Variants in TTC3 observed in about 807,000 individuals in gnomAD.
TTC3 encodes the protein tetratricopeptide repeat domain 3.
In TTC3, 180 loss-of-function variants were observed where a neutral mutation model predicts 249.6. That is an observed-to-expected ratio of 0.72 (90% CI 0.64 to 0.82). The LOEUF (loss-of-function observed/expected upper bound fraction) is 0.82, where lower values mean the gene tolerates loss of function less well. Among genes scored for constraint, TTC3 ranks in the 40% least tolerant of loss-of-function variants. The pLI is 0.00. For synonymous variants in TTC3, 717 were observed against 805.0 expected, an observed-to-expected ratio of 0.89 and a Z score of 1.85; for missense variants, 2,061 against 2,398.4, an observed-to-expected ratio of 0.86 and a Z score of 2.94.
intron 16 of TTC3, among the ~76,000 whole-genome samples, chr21:37,132,463 C>T (rs984147445): frequency 2.6e-5 from 4 of 151,852 alleles, no homozygotes; most frequent in Admixed American, 1.3e-4. Flanking sequence ...CAGGCATGCA[C>T]CACCACGCCA....
intron 35 of TTC3, among the ~76,000 whole-genome samples, chr21:37,172,976 G>A (rs138663135): frequency 1.5e-4 from 23 of 152,244 alleles, no homozygotes; most frequent in Non-Finnish European, 3.1e-4. Flanking sequence ...CTGGGTTTTC[G>A]TTTAGCTATA....
rs1235465861 is a variant in TTC3 at position 37,192,490 on chromosome 21, T to TG, written c.5217+277_5217+278insG. ...CATGTTCCTTGGCCTGTCTTCTATC[T>TG]TTGTGTGTGTGTGTGTGTGTGTGTG... On this transcript the variant is annotated intron_variant, in intron 41 of 45. Coordinates refer to ENST00000355666, the Ensembl canonical transcript of TTC3. 1.0e-4 allele frequency among the ~76,000 whole-genome samples: 14 copies of TG among 139,116 alleles called. No homozygotes were observed. The East Asian group carries it at 2.1e-3, about 20-fold the overall frequency. The allele number at this position is 139,116 out of a possible 152,430, so 91.3% of individuals were successfully genotyped here.
intron 45 of TTC3, 76 bp downstream of exon 45, chr21:37,200,400 T>C: frequency 6.8e-7 from 1 of 1,460,676 alleles, no homozygotes; most frequent in South Asian, 1.2e-5. Context: ...AAGGAATTGT[T>C]TTCTAGTCAT....
intron 11 of TTC3, among the ~76,000 whole-genome samples, chr21:37,112,634 C>G (rs2075776178): frequency 6.6e-6 from 1 of 152,242 alleles, no homozygotes; most frequent in African/African-American, 2.4e-5. Flanking sequence ...TGGTACCATT[C>G]CTTCTGAAAC....
intron 10 of TTC3, among the ~76,000 whole-genome samples, chr21:37,107,126 A>T (rs188956995): frequency 6.8e-6 from 1 of 146,182 alleles, no homozygotes; most frequent in East Asian, 2.0e-4. Flanking sequence ...GATATCTGGT[A>T]GTATAAGTTA....
chr21:37,097,408 G>T (rs2074046711), intron 10 of TTC3, among the ~76,000 whole-genome samples: 1 of 152,114 alleles, frequency 6.6e-6, no homozygotes, highest in South Asian at 2.1e-4. Flanking sequence ...CCACACAGTA[G>T]AAGAATATTC....
At chr21:37,104,588 CAAAAAAAA>C (rs141618903) in intron 10 of TTC3, among the ~76,000 whole-genome samples, 1 of 104,332 alleles carries the variant, frequency 9.6e-6, no homozygotes, top group African/African-American at 3.7e-5. Context: ...AACTCCGTCT[CAAAAAAAA>C]AAAAAAAAAA....
intron 1 of TTC3, chr21:37,082,725 T>A (rs549416710): frequency 6.0e-5 from 59 of 985,120 alleles, no homozygotes; most frequent in South Asian, 1.4e-4. Context: ...TTTTTTTTTT[T>A]AATCTAGGAT....
At chr21:37,164,186 C>T in exon 32 of TTC3, 4 of 1,608,928 alleles carry the variant, frequency 2.5e-6, no homozygotes, top group Non-Finnish European at 3.4e-6. Flanking sequence ...GGGACATGAA[C>T]CCAAAACAAA....
At chr21:37,178,925 C>T (rs1005890932) in intron 35 of TTC3, among the ~76,000 whole-genome samples, 2 of 151,742 alleles carry the variant, frequency 1.3e-5, no homozygotes, top group Non-Finnish European at 2.9e-5. Context: ...CATGCCATTG[C>T]ACCCCAGCCT....
At chr21:37,167,738 T>G (rs2081376915) in intron 34 of TTC3, 118 bp downstream of exon 34, 1 of 680,148 alleles carries the variant, frequency 1.5e-6, no homozygotes, top group South Asian at 2.6e-5. Context: ...TATCATGGAA[T>G]AAGCTTGAGA....
At chr21:37,087,683 G>A in intron 2 of TTC3, 150 bp from the exon 3 acceptor site, 1 of 747,724 alleles carries the variant, frequency 1.3e-6, no homozygotes, top group South Asian at 1.8e-5. Context: ...TGTAAAACGG[G>A]TCTCAAATTA....
intron 23 of TTC3, among the ~76,000 whole-genome samples, chr21:37,148,992 C>T (rs889429384): frequency 2.0e-5 from 3 of 152,030 alleles, no homozygotes; most frequent in African/African-American, 7.2e-5. Context: ...CCAGGCCCCA[C>T]TTGAAAGTTT....
At chr21:37,168,965 GT>G (rs1348782152) in intron 34 of TTC3, among the ~76,000 whole-genome samples, 3 of 152,206 alleles carry the variant, frequency 2.0e-5, no homozygotes, top group Non-Finnish European at 4.4e-5. Flanking sequence ...GGAAGCTTCA[GT>G]TCCTTGCCTT....
intron 10 of TTC3, chr21:37,098,078 A>T (rs1032004339): frequency 1.7e-6 from 1 of 591,168 alleles, no homozygotes; most frequent in Admixed American, 3.1e-5. Context: ...AGACTAGAGG[A>T]ATGGATGGGC....
intron 28 of TTC3, chr21:37,159,377 G>A (rs139481485): frequency 4.7e-4 from 112 of 238,748 alleles, no homozygotes; most frequent in African/African-American, 2.3e-3. Flanking sequence ...TTGTCTGTTT[G>A]TCTTTCTGGC....
At chr21:37,160,671 T>G in intron 29 of TTC3, 131 bp from the exon 30 acceptor site, 5 of 879,168 alleles carry the variant, frequency 5.7e-6, no homozygotes, top group Non-Finnish European at 8.9e-6. Flanking sequence ...TACACTGTAG[T>G]GTTATTTTTG....
intron 35 of TTC3, among the ~76,000 whole-genome samples, chr21:37,175,597 CA>C (rs1175943574): frequency 0.099 from 4,237 of 42,862 alleles, 49 homozygotes; most frequent in African/African-American, 0.15. Context: ...GACTCCATCT[CA>C]AAAAAAAAAA....
chr21:37,073,979 C>T (rs1192796849), intron 1 of TTC3, among the ~76,000 whole-genome samples: 1 of 152,226 alleles, frequency 6.6e-6, no homozygotes, highest in Non-Finnish European at 1.5e-5. Flanking sequence ...CTGTTGAGTG[C>T]GTGATCTCTT....
Sources: gnomAD v4.1 joint callset for allele counts (sites outside exome capture counted in the v4.1 genomes callset) on GRCh38, gnomAD v4.1.1 for gene constraint, MANE v1.5 for transcripts, NCBI Gene and HGNC (gene_info 2026-07-23, HGNC 2026-07-21) for gene names.